PUS7: variants seen among roughly 807,000 people sequenced by gnomAD.
PUS7 encodes the protein pseudouridine synthase 7.
A neutral mutation model predicts 79.8 loss-of-function variants in PUS7; 48 were observed. The ratio of observed to expected loss-of-function variants is 0.60; its 90% CI spans 0.48 to 0.76. The LOEUF is 0.76. Ranked by LOEUF, PUS7 falls within the 30% of genes least tolerant of loss-of-function variation. The probability of loss-of-function intolerance (pLI) is 0.00; values close to 1 mark genes in which losing one functional copy is unlikely to be tolerated. For missense variants in PUS7, 729 were observed against 797.6 expected, an observed-to-expected ratio of 0.91 and a Z score of 1.04; for synonymous variants, 286 against 272.2, an observed-to-expected ratio of 1.05 and a Z score of -0.50.
intron 1 of PUS7, among the ~76,000 whole-genome samples, chr7:105,520,573 T>C (rs1028466770): frequency 2.0e-5 from 3 of 150,828 alleles, no homozygotes; most frequent in African/African-American, 7.3e-5. Flanking sequence ...AATACAAAAA[T>C]TAGCTGGGCA....
At chr7:105,477,094 AT>A (rs1177052105) in intron 9 of PUS7, among the ~76,000 whole-genome samples, 2 of 151,906 alleles carry the variant, frequency 1.3e-5, no homozygotes, top group African/African-American at 4.8e-5. Context: ...CAACTTATCT[AT>A]TTTTTCTTTT....
chr7:105,515,791 T>TTTTTTTTATTTATTTA (rs1554353689), intron 1 of PUS7, among the ~76,000 whole-genome samples: 106 of 121,264 alleles, frequency 8.7e-4, no homozygotes, highest in Middle Eastern at 3.9e-3. Flanking sequence ...TTTTATTTTA[T>TTTTTTTTATTTATTTA]TTTATTTATT....
intron 9 of PUS7, among the ~76,000 whole-genome samples, chr7:105,477,505 G>A (rs951875023): frequency 2.0e-5 from 3 of 151,792 alleles, no homozygotes; most frequent in Admixed American, 6.6e-5. Flanking sequence ...CACCCACCTC[G>A]GCCTCCCAAA....
At chr7:105,480,449 T>G (rs1441630881) in intron 9 of PUS7, among the ~76,000 whole-genome samples, 1 of 151,980 alleles carries the variant, frequency 6.6e-6, no homozygotes, top group African/African-American at 2.4e-5. Flanking sequence ...TACTTCAGCC[T>G]GAACAACAAA....
intron 5 of PUS7, among the ~76,000 whole-genome samples, chr7:105,501,091 A>G (rs1202805214): frequency 6.6e-6 from 1 of 152,178 alleles, no homozygotes; most frequent in Non-Finnish European, 1.5e-5. Context: ...TTATTTCCTC[A>G]GGCACAGCGA....
At chr7:105,521,148 T>C (rs975817467) in intron 1 of PUS7, among the ~76,000 whole-genome samples, 2 of 126,734 alleles carry the variant, frequency 1.6e-5, no homozygotes, top group African/African-American at 5.1e-5. Context: ...TTGTACAGTC[T>C]GATTTTCGAC....
At chr7:105,492,815 G>A (rs1166850969) in intron 6 of PUS7, among the ~76,000 whole-genome samples, 1 of 151,488 alleles carries the variant, frequency 6.6e-6, no homozygotes, top group African/African-American at 2.4e-5. Flanking sequence ...CCGATTTTTT[G>A]TATTTTTAAT....
rs960402285 is a variant in PUS7, at chr7:105,505,039, C to T, written c.585+916G>A. On this transcript the variant is annotated intron_variant, in intron 4 of 15. Transcript: ENST00000469408. The stretch of plus-strand genomic sequence containing the variant: ...TTTTTGATATGGAGTCTCGCTCTGC[C>T]GCCCAGGCTGGAGTGCAGTGGTATG... Among the ~76,000 whole-genome samples the T allele has an allele frequency of 8.5e-5, 12 of 141,026 alleles. 1 individual carries two copies. The highest frequency in any genetic ancestry group is 2.6e-4 in the South Asian group (1 of 3,860). 92.5% of individuals were successfully genotyped at this position (141,026 alleles called of 152,430 possible).
intron 5 of PUS7, among the ~76,000 whole-genome samples, chr7:105,501,428 T>TA (rs1825243422): frequency 6.6e-6 from 1 of 152,144 alleles, no homozygotes; most frequent in Non-Finnish European, 1.5e-5. Context: ...TCCTGAAAGG[T>TA]TATATGCAAA....
intron 9 of PUS7, 57 bp downstream of exon 9, chr7:105,480,995 C>T: frequency 6.4e-7 from 1 of 1,554,016 alleles, no homozygotes; most frequent in East Asian, 2.3e-5. Flanking sequence ...CCACCACCAA[C>T]AAACCCTGCT....
chr7:105,520,764 G>A (rs1325789649), intron 1 of PUS7, among the ~76,000 whole-genome samples: 2 of 151,986 alleles, frequency 1.3e-5, no homozygotes, highest in African/African-American at 4.8e-5. Context: ...AAGGCCGAGT[G>A]TGGTTGCTCA....
rs558909641 is a variant in PUS7, at chr7:105,511,462, G to A, written c.-32-2918C>T. Among the ~76,000 whole-genome samples, 28 of 151,250 alleles carry A rather than the reference G, an allele frequency of 1.9e-4. No individual in the cohort carries two copies. In the South Asian group the frequency reaches 5.7e-3, roughly 31 times the overall value. The stretch of plus-strand genomic sequence containing the variant: ...TCATTTAAAAAAAAAAAAAAAAAGT[G>A]GTTGGGTACTGTGGCTCAGGCCAGG... On this transcript the variant is annotated intron_variant, in intron 1 of 15. Transcript: ENST00000469408.
rs1414257852 is a variant in PUS7 at position 105,503,151 on chromosome 7, A to C, written c.586-587T>G. Among the ~76,000 whole-genome samples, 5 of 152,274 alleles carry C rather than the reference A, an allele frequency of 3.3e-5. No homozygotes were observed. The East Asian group carries it at 9.6e-4, about 29-fold the overall frequency. ...TCATAACACCATTATATCTATTTAG[A>C]AGTGAGGAATTGTGTCTGCGGTTAT... On this transcript the variant is annotated intron_variant, in intron 4 of 15. Transcript: ENST00000469408.
intron 12 of PUS7, among the ~76,000 whole-genome samples, chr7:105,467,447 G>A (rs541897273): frequency 5.3e-5 from 8 of 151,496 alleles, no homozygotes; most frequent in African/African-American, 1.5e-4. Context: ...CTGCCACCAC[G>A]CCCGGCTAAT....
intron 11 of PUS7, 73 bp downstream of exon 11, chr7:105,470,615 A>C: frequency 6.9e-7 from 1 of 1,442,940 alleles, no homozygotes; most frequent in South Asian, 1.5e-5. Flanking sequence ...AGTTTAGTAA[A>C]ATCTTTCAAG....
chr7:105,495,103 T>C (rs2133191954), intron 6 of PUS7, 39 bp downstream of exon 6: 2 of 1,220,350 alleles, frequency 1.6e-6, no homozygotes, highest in Non-Finnish European at 2.4e-6. Context: ...TACGTTTCTG[T>C]TGCTTTGATT....
At chr7:105,460,793 G>A (rs1012128224) in intron 14 of PUS7, among the ~76,000 whole-genome samples, 8 of 136,860 alleles carry the variant, frequency 5.8e-5, no homozygotes, top group African/African-American at 1.9e-4. Context: ...GGCGGAGCTT[G>A]CAGTGAGCCG....
intron 1 of PUS7, 130 bp from the exon 2 acceptor site, chr7:105,508,674 G>A (rs1465820855): frequency 1.7e-6 from 2 of 1,201,728 alleles, no homozygotes. Flanking sequence ...GAGGTCAGGA[G>A]TTCAAGACCA....
chr7:105,460,820 C>G (rs1175702979), intron 14 of PUS7, among the ~76,000 whole-genome samples: 1 of 145,478 alleles, frequency 6.9e-6, no homozygotes, highest in Non-Finnish European at 1.5e-5. Context: ...CGCCACTGCA[C>G]TCCAGCCTGG....
Sources: gnomAD v4.1 joint callset for allele counts (sites outside exome capture counted in the v4.1 genomes callset) on GRCh38, gnomAD v4.1.1 for gene constraint, MANE v1.5 for transcripts, NCBI Gene and HGNC (gene_info 2026-07-23, HGNC 2026-07-21) for gene names.